Variants in ZNF804A observed in about 807,000 individuals in gnomAD.
ZNF804A encodes zinc finger protein 804A.
ZNF804A carries 2 observed loss-of-function variants against 16.5 expected under a neutral mutation model. The observed-to-expected ratio is 0.12, with a 90% confidence interval of 0.05 to 0.38. The LOEUF (loss-of-function observed/expected upper bound fraction) is 0.38, where lower values mean the gene tolerates loss of function less well. Ranked by LOEUF, ZNF804A falls within the 10% of genes least tolerant of loss-of-function variation. The pLI is 0.99. For synonymous variants in ZNF804A, 534 were observed against 489.6 expected (o/e 1.09, Z -1.20); for missense variants, 1,473 against 1,390.7 (o/e 1.06, Z -0.94).
At chr2:184,763,981 T>C (rs535991719) in intron 1 of ZNF804A, among the ~76,000 whole-genome samples, 1 of 152,178 alleles carries the variant, frequency 6.6e-6, no homozygotes, top group Non-Finnish European at 1.5e-5. Flanking sequence ...CTCTAACTTA[T>C]ACTGTCCTCT....
intron 1 of ZNF804A, among the ~76,000 whole-genome samples, chr2:184,853,831 A>T (rs1279769630): frequency 6.6e-6 from 1 of 151,136 alleles, no homozygotes; most frequent in Non-Finnish European, 1.5e-5. Context: ...CACCAAAAAA[A>T]ATTGATATTA....
At chr2:184,624,458 G>A (rs1691467266) in intron 1 of ZNF804A, among the ~76,000 whole-genome samples, 1 of 152,134 alleles carries the variant, frequency 6.6e-6, no homozygotes. Context: ...TGCATGTGAG[G>A]GATGTGGTAA....
intron 1 of ZNF804A, among the ~76,000 whole-genome samples, chr2:184,617,771 T>A (rs935669072): frequency 1.3e-5 from 2 of 151,628 alleles, no homozygotes; most frequent in African/African-American, 4.8e-5. Context: ...CTCTAAATCA[T>A]ATTTTCAAAT....
chr2:184,762,546 A>G (rs536440022), intron 1 of ZNF804A, among the ~76,000 whole-genome samples: 1 of 152,046 alleles, frequency 6.6e-6, no homozygotes, highest in African/African-American at 2.4e-5. Flanking sequence ...CTTATATTTG[A>G]AATAGTTACC....
At chr2:184,864,875 A>ATT (rs34114485) in intron 1 of ZNF804A, among the ~76,000 whole-genome samples, 2,692 of 105,364 alleles carry the variant, frequency 0.026, 194 homozygotes, top group African/African-American at 0.07. Context: ...TATAGTTAGG[A>ATT]TTTTTTTTTT....
chr2:184,763,002 T>G (rs1694063504), intron 1 of ZNF804A, among the ~76,000 whole-genome samples: 1 of 152,192 alleles, frequency 6.6e-6, no homozygotes, highest in Non-Finnish European at 1.5e-5. Flanking sequence ...ATTTAGTCAT[T>G]AGAATATGTA....
intron 2 of ZNF804A, among the ~76,000 whole-genome samples, chr2:184,882,881 G>T (rs1684830315): frequency 6.6e-6 from 1 of 151,818 alleles, no homozygotes; most frequent in South Asian, 2.1e-4. Flanking sequence ...AGGAACTAGA[G>T]GATCAAGAGC....
chr2:184,890,200 AC>A (rs1330002396), intron 2 of ZNF804A, among the ~76,000 whole-genome samples: 1 of 152,162 alleles, frequency 6.6e-6, no homozygotes, highest in African/African-American at 2.4e-5. Flanking sequence ...TTTATAGCTG[AC>A]TGGTAATTTT....
chr2:184,820,732 A>T (rs1396232859), intron 1 of ZNF804A, among the ~76,000 whole-genome samples: 1 of 152,128 alleles, frequency 6.6e-6, no homozygotes, highest in Non-Finnish European at 1.5e-5. Context: ...CAGGATACAA[A>T]ATAAATGTGC....
At chr2:184,932,508 G>A (rs1450948038) in intron 2 of ZNF804A, among the ~76,000 whole-genome samples, 1 of 151,950 alleles carries the variant, frequency 6.6e-6, no homozygotes, top group Non-Finnish European at 1.5e-5. Flanking sequence ...TAAAAGTATG[G>A]GAAAGACCCG....
chr2:184,860,948 C>T (rs7573801), intron 1 of ZNF804A, among the ~76,000 whole-genome samples: 9,439 of 152,200 alleles, frequency 0.062, 999 homozygotes, highest in African/African-American at 0.21. Flanking sequence ...GTGGGCCAGC[C>T]TTGTGCTGGA....
chr2:184,923,802 A>G (rs1289741281), intron 2 of ZNF804A, among the ~76,000 whole-genome samples: 2 of 151,972 alleles, frequency 1.3e-5, no homozygotes, highest in African/African-American at 4.8e-5. Flanking sequence ...CATCATTTGA[A>G]ACAATTATAT....
In ZNF804A at chr2:184,643,004, C is replaced by T. The variant is rs147018705; in HGVS notation, c.111+43934C>T. On this transcript the variant is annotated intron_variant, in intron 1 of 3. Coordinates refer to ENST00000302277, the MANE Select transcript of ZNF804A (RefSeq NM_194250.2). The stretch of plus-strand genomic sequence containing the variant: ...ACAGTTCTCTTTTATTGATCTACAG[C>T]TTCTCTAATAAATACTCTATTTATC... Among the ~76,000 whole-genome samples the T allele has an allele frequency of 3.1e-3, 469 of 152,134 alleles. 8 individuals are homozygous for T. The highest frequency in any genetic ancestry group is 0.029 in the Admixed American group (437 of 15,276).
At chr2:184,672,116 A>G (rs1692346844) in intron 1 of ZNF804A, among the ~76,000 whole-genome samples, 1 of 152,228 alleles carries the variant, frequency 6.6e-6, no homozygotes, top group African/African-American at 2.4e-5. Context: ...AAATTAAACT[A>G]GTTCATGAAA....
intron 2 of ZNF804A, among the ~76,000 whole-genome samples, chr2:184,922,620 C>T (rs1685546899): frequency 6.6e-6 from 1 of 151,732 alleles, no homozygotes; most frequent in African/African-American, 2.4e-5. Flanking sequence ...CCTATTTGTC[C>T]ATGTTTCCTT....
chr2:184,615,738 T>C (rs1212276218), intron 1 of ZNF804A, among the ~76,000 whole-genome samples: 1 of 152,174 alleles, frequency 6.6e-6, no homozygotes, highest in Non-Finnish European at 1.5e-5. Flanking sequence ...CTCCCCACTT[T>C]CTGGCAAGTT....
intron 2 of ZNF804A, among the ~76,000 whole-genome samples, chr2:184,893,525 G>A (rs962771186): frequency 2.9e-5 from 4 of 137,594 alleles, no homozygotes; most frequent in African/African-American, 9.7e-5. Flanking sequence ...TCAAATGCAA[G>A]TATTTAAACT....
chr2:184,677,576 C>G (rs1284991569), intron 1 of ZNF804A, among the ~76,000 whole-genome samples: 2 of 151,944 alleles, frequency 1.3e-5, no homozygotes, highest in Non-Finnish European at 2.9e-5. Context: ...ATAAATTGAT[C>G]TAATGACTCA....
chr2:184,745,308 A>G lies in ZNF804A; in HGVS notation c.112-121061A>G, dbSNP rs139575540. 1.7e-4 allele frequency among the ~76,000 whole-genome samples: 26 copies of G among 151,916 alleles called. No individual in the cohort carries two copies. The South Asian group carries it at 5.4e-3, about 31-fold the overall frequency. On this transcript the variant is annotated intron_variant, in intron 1 of 3. Coordinates refer to ENST00000302277, the MANE Select transcript of ZNF804A (RefSeq NM_194250.2). Reference sequence around the variant, plus strand: ...GAAAAAGGTAACACTAATTCAAATTATAAGACTGGAACAATCATATGGATG... The same window carrying G: ...GAAAAAGGTAACACTAATTCAAATTGTAAGACTGGAACAATCATATGGATG...
Sources: allele counts gnomAD v4.1 joint callset (sites outside exome capture counted in the v4.1 genomes callset), GRCh38; gene constraint gnomAD v4.1.1; transcripts MANE v1.5; gene names NCBI Gene and HGNC (gene_info 2026-07-23, HGNC 2026-07-21).